Variants in SPPL3 observed in about 807,000 individuals in gnomAD.
The protein encoded by SPPL3 is signal peptide peptidase-like 3.
In SPPL3, 5 loss-of-function variants were observed where a neutral mutation model predicts 42.4. The ratio of observed to expected loss-of-function variants is 0.12; its 90% CI spans 0.06 to 0.25. The LOEUF (loss-of-function observed/expected upper bound fraction) is 0.25. Ranked by LOEUF, SPPL3 falls within the 10% of genes least tolerant of loss-of-function variation. SPPL3 has a pLI of 1.00. For synonymous variants in SPPL3, 195 were observed against 181.8 expected, an observed-to-expected ratio of 1.07 and a Z score of -0.58; for missense variants, 235 against 489.0, an observed-to-expected ratio of 0.48 and a Z score of 4.90.
At chr12:120,853,424 C>T (rs1463228246) in intron 1 of SPPL3, among the ~76,000 whole-genome samples, 1 of 152,166 alleles carries the variant, frequency 6.6e-6, no homozygotes, top group Non-Finnish European at 1.5e-5. Flanking sequence ...GGACAAACAT[C>T]TGACACCAAA....
chr12:120,818,595 G>GT (rs1161977748), intron 1 of SPPL3, among the ~76,000 whole-genome samples: 1 of 152,180 alleles, frequency 6.6e-6, no homozygotes, highest in Non-Finnish European at 1.5e-5. Flanking sequence ...TCTATAACGT[G>GT]TTCTATGTGT....
chr12:120,806,548 C>T (rs1479268325), intron 2 of SPPL3, among the ~76,000 whole-genome samples: 2 of 152,032 alleles, frequency 1.3e-5, no homozygotes, highest in South Asian at 4.1e-4. Context: ...TATAAAACTT[C>T]TTAAAGAAAA....
chr12:120,787,699 C>T (rs1396787980), intron 3 of SPPL3, among the ~76,000 whole-genome samples: 3 of 152,116 alleles, frequency 2.0e-5, no homozygotes, highest in African/African-American at 7.2e-5. Flanking sequence ...AACCGCTATC[C>T]TGACTTTTAT....
In SPPL3 at chr12:120,885,976, T is replaced by G. The variant is rs11065310; in HGVS notation, c.23+17869A>C. ...TTCAAGCAATTCTCCTGCCTCACAC[T>G]CCTGAGTAGCTGGGATTACAGGCAT... On this transcript the variant is annotated intron_variant, in intron 1 of 10. Transcript: ENST00000353487. 9.7e-3 allele frequency among the ~76,000 whole-genome samples: 1,442 copies of G among 149,254 alleles called. 26 individuals carry two copies. The highest frequency in any genetic ancestry group is 0.033 in the African/African-American group (1,322 of 40,340).
At chr12:120,885,353 C>G (rs1873420319) in intron 1 of SPPL3, among the ~76,000 whole-genome samples, 1 of 152,094 alleles carries the variant, frequency 6.6e-6, no homozygotes, top group Non-Finnish European at 1.5e-5. Flanking sequence ...TTCACATGGC[C>G]TTCAAATTCA....
intron 1 of SPPL3, among the ~76,000 whole-genome samples, chr12:120,888,961 A>G (rs917254948): frequency 6.6e-6 from 1 of 151,860 alleles, no homozygotes; most frequent in Non-Finnish European, 1.5e-5. Context: ...TTACAGGTTC[A>G]TGCCACCTCA....
chr12:120,818,756 A>G (rs1870960248), intron 1 of SPPL3, among the ~76,000 whole-genome samples: 1 of 152,228 alleles, frequency 6.6e-6, no homozygotes, highest in Non-Finnish European at 1.5e-5. Flanking sequence ...AGGACTCCCA[A>G]AGAGCTTTAG....
intron 2 of SPPL3, among the ~76,000 whole-genome samples, chr12:120,792,298 A>G (rs1020515195): frequency 6.6e-6 from 1 of 152,180 alleles, no homozygotes; most frequent in African/African-American, 2.4e-5. Flanking sequence ...TTGATTTAGA[A>G]TTCTTTAACC....
intron 1 of SPPL3, among the ~76,000 whole-genome samples, chr12:120,897,592 G>T (rs191038116): frequency 1.3e-5 from 2 of 152,060 alleles, no homozygotes; most frequent in East Asian, 1.9e-4. Flanking sequence ...GCGTGGTGGC[G>T]GGTGCCTGTA....
chr12:120,804,895 TAAAA>T (rs1870438007), intron 2 of SPPL3, among the ~76,000 whole-genome samples: 2 of 152,022 alleles, frequency 1.3e-5, no homozygotes, highest in Admixed American at 1.3e-4. Flanking sequence ...TATTCAGTAA[TAAAA>T]AGGAATGAAA....
chr12:120,845,269 T>C (rs1298458155), intron 1 of SPPL3: 2 of 370,348 alleles, frequency 5.4e-6, no homozygotes, highest in African/African-American at 4.3e-5. Flanking sequence ...ATTGGAGAGG[T>C]CCTGCTTGTT....
chr12:120,898,951 T>C (rs1566073578), intron 1 of SPPL3, among the ~76,000 whole-genome samples: 1 of 152,250 alleles, frequency 6.6e-6, no homozygotes, highest in Non-Finnish European at 1.5e-5. Flanking sequence ...AGGGGTTCAA[T>C]ACCAGTTATA....
At chr12:120,891,222 T>C (rs1384125502) in intron 1 of SPPL3, among the ~76,000 whole-genome samples, 2 of 152,192 alleles carry the variant, frequency 1.3e-5, no homozygotes, top group Non-Finnish European at 2.9e-5. Context: ...TACCCAGGAA[T>C]CCAGCCTAAT....
chr12:120,892,751 G>A lies in SPPL3; in HGVS notation c.23+11094C>T, dbSNP rs139469250. Among the ~76,000 whole-genome samples, 586 of 152,210 alleles carry A rather than the reference G, an allele frequency of 3.8e-3. 4 individuals carry two copies. The highest frequency in any genetic ancestry group is 0.013 in the African/African-American group (524 of 41,528). On this transcript the variant is annotated intron_variant, in intron 1 of 10. Coordinates refer to ENST00000353487, the MANE Select transcript of SPPL3 (RefSeq NM_139015.5). ...TAATCCCAGCACTTTGGGAGACCAA[G>A]GCGGGTGCATCACAAGGTCAGGAGA...
At chr12:120,779,409 G>A (rs1388800653) in intron 6 of SPPL3, among the ~76,000 whole-genome samples, 2 of 152,036 alleles carry the variant, frequency 1.3e-5, no homozygotes, top group Non-Finnish European at 2.9e-5. Flanking sequence ...GTAGCTTTGT[G>A]GTTATTTGGA....
intron 5 of SPPL3, among the ~76,000 whole-genome samples, chr12:120,783,395 C>T (rs540487783): frequency 5.3e-5 from 8 of 152,146 alleles, no homozygotes; most frequent in African/African-American, 1.2e-4. Context: ...ATGAAAGCAC[C>T]GTTTCAAAAG....
At chr12:120,775,033 TG>T (rs1869261437) in intron 6 of SPPL3, among the ~76,000 whole-genome samples, 1 of 152,204 alleles carries the variant, frequency 6.6e-6, no homozygotes, top group African/African-American at 2.4e-5. Context: ...CGAGCTCAAA[TG>T]TTCTCTACGA....
chr12:120,860,350 G>T (rs936053586), intron 1 of SPPL3, among the ~76,000 whole-genome samples: 6 of 152,154 alleles, frequency 3.9e-5, no homozygotes. Context: ...TACTCAACCA[G>T]AAATTTATGT....
chr12:120,901,590 T>TAAAA (rs754148484), intron 1 of SPPL3, among the ~76,000 whole-genome samples: 48 of 103,416 alleles, frequency 4.6e-4, no homozygotes, highest in African/African-American at 1.6e-3. Context: ...GACTCCGTCC[T>TAAAA]AAAAAAAAAA....
Sources: gnomAD v4.1 joint callset for allele counts (sites outside exome capture counted in the v4.1 genomes callset) on GRCh38, gnomAD v4.1.1 for gene constraint, MANE v1.5 for transcripts, NCBI Gene and HGNC (gene_info 2026-07-23, HGNC 2026-07-21) for gene names.